SLC7A11: variants seen among roughly 807,000 people sequenced by gnomAD.
SLC7A11 encodes the protein solute carrier family 7 member 11, also known as cystine/glutamate transporter.
Under a neutral mutation model 54.5 loss-of-function variants are expected in SLC7A11, and 35 were observed. That is an observed-to-expected ratio of 0.64 (90% CI 0.49 to 0.85). The LOEUF (loss-of-function observed/expected upper bound fraction) is 0.85. SLC7A11 is among the 40% of genes least tolerant of loss of function. The pLI is 0.00. For missense variants in SLC7A11, 583 were observed against 618.1 expected (o/e 0.94, Z 0.60); for synonymous variants, 230 against 225.2 (o/e 1.02, Z -0.19).
chr4:138,176,864 G>A (rs990017962), intron 11 of SLC7A11: 4 of 152,120 alleles, frequency 2.6e-5, no homozygotes, highest in African/African-American at 7.2e-5. Flanking sequence ...TATTTAATAA[G>A]ATCCCTTTTC....
In SLC7A11 at chr4:138,168,229, G is replaced by A. The variant is rs935923231; in HGVS notation, c.*3727C>T. The A allele has an allele frequency of 1.3e-5, 2 of 152,142 alleles. No individual in the cohort carries two copies. The highest frequency in any genetic ancestry group is 1.3e-4 in the Admixed American group (2 of 15,264). 9.4% of individuals were successfully genotyped at this position (152,142 alleles called of 1,614,324 possible). A position where few individuals can be genotyped will look rare whatever the true frequency, so the allele number is the denominator to read the frequency against. ...TCGAATGGAACATGTCTAAGTGAGA[G>A]GCACTGAAGCTTAGGTTTCATTAGC... is the stretch of plus-strand genomic sequence containing the variant. On this transcript the variant is annotated 3_prime_UTR_variant, in exon 12 of 12. Coordinates refer to ENST00000280612, the MANE Select transcript of SLC7A11 (RefSeq NM_014331.4).
intron 5 of SLC7A11, among the ~76,000 whole-genome samples, chr4:138,215,603 T>G (rs2148440043): frequency 6.6e-6 from 1 of 152,288 alleles, no homozygotes; most frequent in South Asian, 2.1e-4. Context: ...AAGATTTTTC[T>G]AATGACTAGA....
chr4:138,218,927 G>A (rs1247859094), intron 5 of SLC7A11, among the ~76,000 whole-genome samples: 1 of 152,138 alleles, frequency 6.6e-6, no homozygotes, highest in Non-Finnish European at 1.5e-5. Flanking sequence ...GACAAGCGAA[G>A]TATTATTCTT....
chr4:138,222,282 T>C (rs2148445278), intron 4 of SLC7A11, among the ~76,000 whole-genome samples: 1 of 152,330 alleles, frequency 6.6e-6, no homozygotes, highest in African/African-American at 2.4e-5. Context: ...ACAGTGATGA[T>C]TTTACCAAAC....
chr4:138,213,653 A>G (rs1737609223), intron 6 of SLC7A11, among the ~76,000 whole-genome samples: 1 of 151,982 alleles, frequency 6.6e-6, no homozygotes, highest in Non-Finnish European at 1.5e-5. Flanking sequence ...CTCCCTAGAT[A>G]CACAAGTATT....
intron 6 of SLC7A11, among the ~76,000 whole-genome samples, chr4:138,196,753 G>A (rs1737144023): frequency 1.3e-5 from 2 of 152,062 alleles, no homozygotes; most frequent in South Asian, 2.1e-4. Context: ...TTCACCTCCT[G>A]GGTTCAGGCA....
chr4:138,204,032 G>A (rs1002934628), intron 6 of SLC7A11, among the ~76,000 whole-genome samples: 4 of 151,836 alleles, frequency 2.6e-5, no homozygotes, highest in African/African-American at 9.7e-5. Flanking sequence ...ATGCTCACCC[G>A]CTGCCCGAGA....
rs1384739167 is a variant in SLC7A11 at position 138,179,401 on chromosome 4, C to T, written c.1267-7G>A. 4.4e-6 allele frequency: 7 copies of T among 1,609,060 alleles called. No homozygotes were observed. Among genetic ancestry groups the T allele is most frequent in the Non-Finnish European group, 5.9e-6 (7 of 1,177,744 alleles). ...CTGGGATGAACAGTGGCACCTGGAA[C>T]ACAGAACACAAAAAAGTCACTTCAA... On this transcript the variant is annotated splice_region_variant and splice_polypyrimidine_tract_variant and intron_variant, in intron 10 of 11. Coordinates refer to ENST00000280612, the MANE Select transcript of SLC7A11 (RefSeq NM_014331.4).
chr4:138,238,154 AT>A (rs1404333735), intron 1 of SLC7A11, among the ~76,000 whole-genome samples: 1 of 152,148 alleles, frequency 6.6e-6, no homozygotes, highest in African/African-American at 2.4e-5. Context: ...TACAATTCAC[AT>A]AAAATTGGAC....
At chr4:138,216,357 C>T (rs1737680913) in intron 5 of SLC7A11, among the ~76,000 whole-genome samples, 1 of 151,930 alleles carries the variant, frequency 6.6e-6, no homozygotes, top group South Asian at 2.1e-4. Flanking sequence ...GAGAAAAAGA[C>T]ACTAAAAACG....
At chr4:138,188,356 C>T (rs371968611) in intron 6 of SLC7A11, among the ~76,000 whole-genome samples, 1 of 152,310 alleles carries the variant, frequency 6.6e-6, no homozygotes, top group Non-Finnish European at 1.5e-5. Flanking sequence ...AGCCACGACG[C>T]CCAGCTGATA....
intron 10 of SLC7A11, 117 bp downstream of exon 10, chr4:138,180,524 T>C: frequency 9.7e-7 from 1 of 1,031,308 alleles, no homozygotes; most frequent in Non-Finnish European, 1.4e-6. Context: ...GAGTTAAACA[T>C]TTTTATTCCA....
intron 1 of SLC7A11, among the ~76,000 whole-genome samples, chr4:138,237,714 TATATATATATATATATATA>T (rs1560742437): frequency 2.9e-4 from 2 of 6,906 alleles, no homozygotes; most frequent in African/African-American, 4.3e-4. Context: ...TATATATATA[TATATATATATATATATATA>T]TATATTTTTT....
At position 138,236,328 on chromosome 4, in the gene SLC7A11, A is replaced by T. The variant is rs372435503; in HGVS notation, c.401T>A (p.Ile134Lys). The T allele has an allele frequency of 3.9e-5, 62 of 1,609,184 alleles. No homozygotes were observed. Among genetic ancestry groups the T allele is most frequent in the Non-Finnish European group, 4.5e-5 (53 of 1,178,464 alleles). ...FVRVWVELLI[I>K]RPAATAVISL... ...ATTCTTTCTACTATGCTCTTACCGT[A>T]TTATGAGGAGTTCCACCCAGACTCG... is the stretch of plus-strand genomic sequence containing the variant. The change falls in exon 2 of 12, where the codon ATA becomes AAA. Residue 134 changes from isoleucine (I) to lysine (K), a missense_variant. Coordinates refer to ENST00000280612, the MANE Select transcript of SLC7A11 (RefSeq NM_014331.4).
At chr4:138,226,916 G>A (rs1737960667) in intron 3 of SLC7A11, among the ~76,000 whole-genome samples, 1 of 152,056 alleles carries the variant, frequency 6.6e-6, no homozygotes, top group African/African-American at 2.4e-5. Context: ...TAAAAATACA[G>A]GGACATATAG....
At chr4:138,211,237 T>C (rs1737540453) in intron 6 of SLC7A11, among the ~76,000 whole-genome samples, 1 of 151,832 alleles carries the variant, frequency 6.6e-6, no homozygotes, top group African/African-American at 2.4e-5. Context: ...TGGGGACTAC[T>C]AGAGTAAGGA....
In SLC7A11 at chr4:138,196,702, C is replaced by T. The variant is rs578219125; in HGVS notation, c.792-11458G>A. On this transcript the variant is annotated intron_variant, in intron 6 of 11. Coordinates refer to ENST00000280612, the MANE Select transcript of SLC7A11 (RefSeq NM_014331.4). ...TAGACAGAGCCTCACTCTTGTCACC[C>T]GGGCGGGAGTGCAATGGCACAATCT... Among the ~76,000 whole-genome samples, 52 of 151,950 alleles carry T rather than the reference C, an allele frequency of 3.4e-4. 1 individual carries two copies. The highest frequency in any genetic ancestry group is 3.2e-4 in the Non-Finnish European group (22 of 68,012).
chr4:138,241,664 C>A, intron 1 of SLC7A11, 129 bp downstream of exon 1: 2 of 716,054 alleles, frequency 2.8e-6, no homozygotes, highest in Admixed American at 5.4e-5. Flanking sequence ...CGTACCCGAA[C>A]AAAAATTTTA....
chr4:138,172,884 C>G (rs1366730860), intron 11 of SLC7A11, among the ~76,000 whole-genome samples: 6 of 152,148 alleles, frequency 3.9e-5, no homozygotes, highest in Admixed American at 2.0e-4. Context: ...TCACTCGTTG[C>G]CCAGGTTAGA....
Sources: allele counts gnomAD v4.1 joint callset (sites outside exome capture counted in the v4.1 genomes callset), GRCh38; gene constraint gnomAD v4.1.1; transcripts MANE v1.5; gene names NCBI Gene and HGNC (gene_info 2026-07-23, HGNC 2026-07-21).